Variants in BORCS5 observed in about 807,000 individuals in gnomAD.
The protein encoded by BORCS5 is BLOC-1-related complex subunit 5.
BORCS5 carries 17 observed loss-of-function variants against 22.1 expected under a neutral mutation model. That is an observed-to-expected ratio of 0.77 (90% CI 0.53 to 1.15). BORCS5 has a LOEUF of 1.15. Ranked by LOEUF, BORCS5 falls within the 50% of genes most tolerant of loss-of-function variation. The probability of loss-of-function intolerance (pLI) is 0.00; values close to 1 mark genes in which losing one functional copy is unlikely to be tolerated. For synonymous variants in BORCS5, 117 were observed against 99.8 expected (o/e 1.17, Z -1.03); for missense variants, 247 against 253.2 (o/e 0.98, Z 0.17).
intron 2 of BORCS5, among the ~76,000 whole-genome samples, chr12:12,433,322 CAAAAAAAAAAAAAAAAA>C (rs34833037): frequency 2.5e-5 from 1 of 40,670 alleles, no homozygotes; most frequent in Non-Finnish European, 5.2e-5. Flanking sequence ...GACTGTGTCT[CAAAAAAAAAAAAAAAAA>C]AAAAAAAAAG....
At chr12:12,439,454 C>T (rs137874244) in intron 3 of BORCS5, among the ~76,000 whole-genome samples, 1 of 151,866 alleles carries the variant, frequency 6.6e-6, no homozygotes, top group East Asian at 1.9e-4. Flanking sequence ...ATGGTGAAAC[C>T]CCATCTCTAC....
intron 3 of BORCS5, among the ~76,000 whole-genome samples, chr12:12,460,022 G>T (rs1943074091): frequency 6.6e-6 from 1 of 152,124 alleles, no homozygotes; most frequent in African/African-American, 2.4e-5. Context: ...TGTGTACTAA[G>T]AATCAGCTTA....
At chr12:12,460,271 G>T (rs143508036) in intron 3 of BORCS5, among the ~76,000 whole-genome samples, 28 of 152,322 alleles carry the variant, frequency 1.8e-4, no homozygotes, top group Non-Finnish European at 4.0e-4. Flanking sequence ...TGCCGACGCA[G>T]TTGTAAATAG....
intron 3 of BORCS5, chr12:12,452,071 G>A (rs1942922141): frequency 2.2e-6 from 1 of 446,178 alleles, no homozygotes; most frequent in African/African-American, 2.1e-5. Context: ...TTTCCCCCCT[G>A]GATTTTACCT....
At chr12:12,358,237 A>G (rs1402915966) in intron 1 of BORCS5, among the ~76,000 whole-genome samples, 1 of 152,202 alleles carries the variant, frequency 6.6e-6, no homozygotes, top group East Asian at 1.9e-4. Flanking sequence ...TGCTTTGGTT[A>G]AGCTCCGGGG....
intron 2 of BORCS5, among the ~76,000 whole-genome samples, chr12:12,420,436 T>C (rs1316488953): frequency 2.0e-5 from 3 of 152,152 alleles, no homozygotes; most frequent in Admixed American, 6.5e-5. Context: ...CCATGCTGTT[T>C]TGGTTACTGT....
At chr12:12,422,454 A>C (rs1228099031) in intron 2 of BORCS5, among the ~76,000 whole-genome samples, 1 of 152,108 alleles carries the variant, frequency 6.6e-6, no homozygotes, top group East Asian at 1.9e-4. Context: ...TCTCTACTAA[A>C]AATTCAAAAA....
At chr12:12,447,876 G>C (rs147289942) in intron 3 of BORCS5, among the ~76,000 whole-genome samples, 1 of 152,200 alleles carries the variant, frequency 6.6e-6, no homozygotes, top group Non-Finnish European at 1.5e-5. Flanking sequence ...AGGGAGTCCA[G>C]GTTAGTGGCG....
At chr12:12,395,214 CTG>C (rs1016091392) in intron 2 of BORCS5, among the ~76,000 whole-genome samples, 15 of 151,404 alleles carry the variant, frequency 9.9e-5, no homozygotes, top group African/African-American at 3.4e-4. Context: ...AGTGATCACT[CTG>C]TGACCAAAGA....
In BORCS5 at chr12:12,470,961, T is replaced by C. The variant is rs1223277132; in HGVS notation, c.*5185T>C. 6.6e-6 allele frequency among the ~76,000 whole-genome samples: 1 copy of C among 152,196 alleles called. No homozygotes were observed. The highest frequency in any genetic ancestry group is 6.5e-5 in the Admixed American group (1 of 15,272). On this transcript the variant is annotated 3_prime_UTR_variant, in exon 4 of 4. Transcript: ENST00000314565. Reference sequence around the variant, plus strand: ...GGCTCATTCCTTGAGGCATGAGTTATGCGAAAAGCTTTTCTGCACCAAGTA... The same window carrying C: ...GGCTCATTCCTTGAGGCATGAGTTACGCGAAAAGCTTTTCTGCACCAAGTA...
rs113813432 is a variant in BORCS5, at chr12:12,398,726, T to G, written c.203-36902T>G. On this transcript the variant is annotated intron_variant, in intron 2 of 3. Transcript: ENST00000314565. ...ACTAGGAGGCAATACTGTGCAGACC[T>G]TGTGCCACCACCTGCCTCCCCCTTC... Among the ~76,000 whole-genome samples the G allele has an allele frequency of 3.9e-3, 592 of 152,332 alleles. 5 individuals are homozygous for G. Among genetic ancestry groups the G allele is most frequent in the African/African-American group, 0.012 (507 of 41,574 alleles).
chr12:12,446,977 G>C (rs114390234), intron 3 of BORCS5, among the ~76,000 whole-genome samples: 2,238 of 152,312 alleles, frequency 0.015, 49 homozygotes, highest in African/African-American at 0.051. Flanking sequence ...TTCTGTAGAA[G>C]TATGAGCATT....
intron 3 of BORCS5, among the ~76,000 whole-genome samples, chr12:12,442,535 T>C (rs775276896): frequency 2.3e-4 from 35 of 152,286 alleles, no homozygotes; most frequent in Middle Eastern, 6.8e-3. Flanking sequence ...GATGAACTGG[T>C]AAGAAAAACT....
intron 2 of BORCS5, among the ~76,000 whole-genome samples, chr12:12,388,381 A>G (rs769324916): frequency 6.6e-6 from 1 of 151,360 alleles, no homozygotes; most frequent in African/African-American, 2.4e-5. Flanking sequence ...TAGGATAGCA[A>G]TGTCATGGCT....
chr12:12,385,849 T>A (rs938593339), intron 2 of BORCS5, among the ~76,000 whole-genome samples: 1 of 151,500 alleles, frequency 6.6e-6, no homozygotes, highest in African/African-American at 2.4e-5. Flanking sequence ...CTCAAATTTT[T>A]ATATGCCATT....
chr12:12,391,234 C>T (rs1941175744), intron 2 of BORCS5, among the ~76,000 whole-genome samples: 1 of 151,994 alleles, frequency 6.6e-6, no homozygotes, highest in Non-Finnish European at 1.5e-5. Context: ...TGGTTCCTGC[C>T]ATACTTAGCA....
intron 2 of BORCS5, among the ~76,000 whole-genome samples, chr12:12,401,505 T>A (rs1194724238): frequency 6.6e-6 from 1 of 152,212 alleles, no homozygotes; most frequent in Non-Finnish European, 1.5e-5. Flanking sequence ...TTTGCCATAT[T>A]TATTTTTTTA....
At chr12:12,447,354 T>C (rs1466704468) in intron 3 of BORCS5, among the ~76,000 whole-genome samples, 1 of 152,178 alleles carries the variant, frequency 6.6e-6, no homozygotes, top group African/African-American at 2.4e-5. Context: ...CCGGTTTCCC[T>C]TGATCACAAG....
At chr12:12,394,187 A>G (rs1474286710) in intron 2 of BORCS5, among the ~76,000 whole-genome samples, 4 of 151,804 alleles carry the variant, frequency 2.6e-5, no homozygotes, top group African/African-American at 9.7e-5. Context: ...TGAGCCTGGT[A>G]TGGTAGTGCA....
Sources: allele counts gnomAD v4.1 joint callset (sites outside exome capture counted in the v4.1 genomes callset), GRCh38; gene constraint gnomAD v4.1.1; transcripts MANE v1.5; gene names NCBI Gene and HGNC (gene_info 2026-07-23, HGNC 2026-07-21).